The following XIRP2 variants were observed in gnomAD, a reference collection of about 807,000 sequenced individuals.
XIRP2 encodes the protein xin actin-binding repeat-containing protein 2.
In XIRP2, 236 loss-of-function variants were observed where a neutral mutation model predicts 277.0. That is an observed-to-expected ratio of 0.85 (90% CI 0.77 to 0.95). The LOEUF (loss-of-function observed/expected upper bound fraction) is 0.95, where lower values mean the gene tolerates loss of function less well. XIRP2 is among the 40% of genes least tolerant of loss of function. The probability of loss-of-function intolerance (pLI) is 0.00; values close to 1 mark genes in which losing one functional copy is unlikely to be tolerated. For synonymous variants in XIRP2, 1,490 were observed against 1,416.5 expected, an observed-to-expected ratio of 1.05 and a Z score of -1.17; for missense variants, 4,640 against 4,157.5, an observed-to-expected ratio of 1.12 and a Z score of -3.19.
chr2:167,259,502 G>T lies in XIRP2; in HGVS notation c.*1685G>T. 1 of 805,222 alleles carries T rather than the reference G, an allele frequency of 1.2e-6. No individual in the cohort carries two copies. The highest frequency in any genetic ancestry group is 1.9e-6 in the Non-Finnish European group (1 of 537,760). 49.9% of individuals were successfully genotyped at this position (805,222 alleles called of 1,614,324 possible). A position where few individuals can be genotyped will look rare whatever the true frequency, so the allele number is the denominator to read the frequency against. ...TCAGAAATCTCGTGTCTATCTCAAT[G>T]GGATATTTCTTGTATTACACCTTGT... On this transcript the variant is annotated 3_prime_UTR_variant, in exon 11 of 11. Transcript: ENST00000409195.
chr2:167,003,400 T>TG (rs1008439432), intron 2 of XIRP2, among the ~76,000 whole-genome samples: 9 of 151,870 alleles, frequency 5.9e-5, no homozygotes, highest in Non-Finnish European at 1.3e-4. Context: ...TAAAAACAGT[T>TG]GGGGGGTTAG....
intron 2 of XIRP2, among the ~76,000 whole-genome samples, chr2:166,908,397 G>A (rs995961244): frequency 6.6e-6 from 1 of 152,158 alleles, no homozygotes; most frequent in Non-Finnish European, 1.5e-5. Flanking sequence ...GTGTGTGTTG[G>A]CTGCATAAAT....
At chr2:166,944,572 A>G (rs952144540) in intron 2 of XIRP2, among the ~76,000 whole-genome samples, 7 of 152,210 alleles carry the variant, frequency 4.6e-5, no homozygotes, top group African/African-American at 1.2e-4. Context: ...TTAATAATCA[A>G]TTTCAAGTTA....
At chr2:167,181,799 A>T (rs972241945) in intron 3 of XIRP2, among the ~76,000 whole-genome samples, 17 of 152,116 alleles carry the variant, frequency 1.1e-4, no homozygotes, top group South Asian at 2.1e-4. Flanking sequence ...TTATATTGGG[A>T]GCCAGATCAT....
chr2:166,986,798 T>C (rs192344934), intron 2 of XIRP2, among the ~76,000 whole-genome samples: 43 of 152,336 alleles, frequency 2.8e-4, no homozygotes, highest in Non-Finnish European at 6.0e-4. Context: ...TTTAGATAAA[T>C]GAGATTATAC....
chr2:166,924,733 G>A (rs1408301867), intron 2 of XIRP2, among the ~76,000 whole-genome samples: 2 of 151,960 alleles, frequency 1.3e-5, no homozygotes, highest in African/African-American at 4.8e-5. Flanking sequence ...TCAGCACTTA[G>A]TTCTATGACA....
intron 2 of XIRP2, among the ~76,000 whole-genome samples, chr2:166,940,584 C>A (rs1263646616): frequency 1.3e-5 from 2 of 152,108 alleles, no homozygotes; most frequent in African/African-American, 4.8e-5. Context: ...GTTTTATCTA[C>A]CTTTGGTCTT....
At chr2:167,096,213 C>T (rs980010941) in intron 2 of XIRP2, among the ~76,000 whole-genome samples, 3 of 151,956 alleles carry the variant, frequency 2.0e-5, no homozygotes, top group African/African-American at 7.3e-5. Context: ...TTAATTGCTG[C>T]CTCAATTTCA....
intron 3 of XIRP2, among the ~76,000 whole-genome samples, chr2:167,164,201 G>A (rs1692455279): frequency 6.6e-6 from 1 of 152,016 alleles, no homozygotes; most frequent in African/African-American, 2.4e-5. Flanking sequence ...GGCACTTTGG[G>A]AGGCCGAGGC....
At chr2:167,037,334 T>G (rs1243370697) in intron 2 of XIRP2, among the ~76,000 whole-genome samples, 1 of 152,154 alleles carries the variant, frequency 6.6e-6, no homozygotes, top group African/African-American at 2.4e-5. Context: ...AGATTTAAAT[T>G]ACAAGTTCAC....
chr2:167,051,295 G>A (rs1265683219), intron 2 of XIRP2, among the ~76,000 whole-genome samples: 13 of 152,072 alleles, frequency 8.5e-5, no homozygotes, highest in Non-Finnish European at 1.5e-4. Flanking sequence ...ACCATTTACA[G>A]TGTGTCACCT....
intron 2 of XIRP2, among the ~76,000 whole-genome samples, chr2:167,066,535 G>A (rs759185890): frequency 1.3e-5 from 2 of 152,006 alleles, no homozygotes; most frequent in Non-Finnish European, 2.9e-5. Context: ...ATGAAAACTG[G>A]TGCAGCTGTT....
chr2:167,152,958 A>G (rs1412915984), intron 3 of XIRP2, among the ~76,000 whole-genome samples: 3 of 152,110 alleles, frequency 2.0e-5, no homozygotes, highest in Non-Finnish European at 4.4e-5. Context: ...CCCAAATGCA[A>G]ACTTTCCCCC....
Position 167,218,317 on chromosome 2 carries a change from T to C in XIRP2, c.858+17T>C. On this transcript the variant is annotated intron_variant, in intron 5 of 10. Coordinates refer to ENST00000409195, the MANE Select transcript of XIRP2 (RefSeq NM_152381.6). ...TCTGAGCAGGTAATACTACTACAGG[T>C]GATGGGTAAATCAGGCATGGTTGAA... is the stretch of plus-strand genomic sequence containing the variant. 1 of 1,438,224 alleles carries C rather than the reference T, an allele frequency of 7.0e-7. No homozygotes were observed. Among genetic ancestry groups the C allele is most frequent in the Non-Finnish European group, 9.2e-7 (1 of 1,085,718 alleles). The allele number at this position is 1,438,224 out of a possible 1,614,324, so 89.1% of individuals were successfully genotyped here.
intron 2 of XIRP2, among the ~76,000 whole-genome samples, chr2:167,025,791 C>A (rs1472114675): frequency 2.0e-5 from 3 of 152,080 alleles, no homozygotes; most frequent in Non-Finnish European, 4.4e-5. Flanking sequence ...ATCCTGAGTT[C>A]TAGTTTGCTT....
chr2:167,136,712 G>A (rs1002175724), intron 3 of XIRP2, among the ~76,000 whole-genome samples: 1 of 152,132 alleles, frequency 6.6e-6, no homozygotes, highest in Non-Finnish European at 1.5e-5. Flanking sequence ...TATCATTTCT[G>A]ATTAGGCACA....
intron 2 of XIRP2, among the ~76,000 whole-genome samples, chr2:167,058,788 C>G (rs944755286): frequency 3.3e-5 from 5 of 152,114 alleles, no homozygotes; most frequent in Admixed American, 1.3e-4. Context: ...CGTCTGGAAT[C>G]AAGGTGAGAA....
chr2:167,246,659 A>G lies in XIRP2; in HGVS notation c.5267A>G (p.Asp1756Gly). The change falls in exon 9 of 11, where the codon GAT (aspartate) becomes GGT (glycine). Residue 1756 changes from aspartate (D) to glycine (G), a missense_variant. Physicochemically the swap from Asp to Gly is moderately conservative, Grantham distance 94. Transcript: ENST00000409195. Reference sequence around the variant, plus strand: ...ACCTGCATAGAAGCTGGAGCTTTGGATTATCTGAAACAACTCCACACAGAG... The same window carrying G: ...ACCTGCATAGAAGCTGGAGCTTTGGGTTATCTGAAACAACTCCACACAGAG... ...FTTCIEAGAL[D>G]YLKQLHTESN... 6.2e-7 allele frequency: 1 copy of G among 1,613,788 alleles called. No homozygotes were observed. Among genetic ancestry groups the G allele is most frequent in the South Asian group, 1.1e-5 (1 of 91,078 alleles).
intron 2 of XIRP2, among the ~76,000 whole-genome samples, chr2:167,031,542 A>T (rs1688349366): frequency 6.6e-6 from 1 of 152,074 alleles, no homozygotes; most frequent in South Asian, 2.1e-4. Flanking sequence ...TGACAACTGT[A>T]TATTTAGAAA....
Sources: allele counts gnomAD v4.1 joint callset (sites outside exome capture counted in the v4.1 genomes callset), GRCh38; gene constraint gnomAD v4.1.1; transcripts MANE v1.5; gene names NCBI Gene and HGNC (gene_info 2026-07-23, HGNC 2026-07-21).